Variants in EDC3 observed in about 807,000 individuals in gnomAD.
EDC3 encodes the protein enhancer of mRNA-decapping protein 3.
A neutral mutation model predicts 41.8 loss-of-function variants in EDC3; 20 were observed. That is an observed-to-expected ratio of 0.48 (90% CI 0.34 to 0.70). EDC3 has a LOEUF of 0.70. Ranked by LOEUF, EDC3 falls within the 30% of genes least tolerant of loss-of-function variation. The pLI is 0.01. For synonymous variants in EDC3, 206 were observed against 243.2 expected (o/e 0.85, Z 1.42); for missense variants, 444 against 636.8 (o/e 0.70, Z 3.26).
intron 4 of EDC3, among the ~76,000 whole-genome samples, chr15:74,646,922 A>G (rs1362899566): frequency 1.3e-5 from 2 of 152,200 alleles, no homozygotes; most frequent in Non-Finnish European, 2.9e-5. Context: ...CTGAGGATAA[A>G]GAAAAATCTG....
rs1037182248 is a variant in EDC3, at chr15:74,657,158, G to C, written c.485-1090C>G. ...CCTCACTGGCAGAGGGCAGCTGCAG[G>C]CCCACTGAGCTGTTAACACTTAAGC... On this transcript the variant is annotated intron_variant, in intron 3 of 6. Coordinates refer to ENST00000315127, the MANE Select transcript of EDC3 (RefSeq NM_025083.5). Among the ~76,000 whole-genome samples the C allele has an allele frequency of 1.3e-5, 2 of 152,206 alleles. 1 individual carries two copies. The highest frequency in any genetic ancestry group is 2.9e-5 in the Non-Finnish European group (2 of 68,040).
chr15:74,640,599 T>A lies in EDC3; in HGVS notation c.841A>T (p.Ser281Cys). 6.2e-7 allele frequency: 1 copy of A among 1,614,202 alleles called. No homozygotes were observed. The highest frequency in any genetic ancestry group is 2.2e-5 in the East Asian group (1 of 44,882). The change falls in exon 5 of 7, where the codon AGT (serine) becomes TGT (cysteine). Residue 281 changes from serine to cysteine, a missense_variant. This residue lies in a region of EDC3 where 242 missense variants were observed against 363.8 expected (regional missense o/e 0.67). Coordinates refer to ENST00000315127, the MANE Select transcript of EDC3 (RefSeq NM_025083.5). ...FCTDSGLVVP[S>C]ISYELHKKLL... ...TTTTTATGCAGCTCATAGGAAATAC[T>A]TGGGACAACCAGGCCAGAGTCTGCA...
At chr15:74,647,877 G>A (rs1380793407) in intron 4 of EDC3, among the ~76,000 whole-genome samples, 1 of 152,190 alleles carries the variant, frequency 6.6e-6, no homozygotes, top group Non-Finnish European at 1.5e-5. Flanking sequence ...TCCAGTGCAG[G>A]TGTTCTGTCC....
Position 74,669,235 on chromosome 15 carries a change from C to T in EDC3, c.484+2220G>A, listed in dbSNP as rs766335796. ...GCACATGCCTGTAATCCCAGCTACT[C>T]GGGAGGCTGAGGCAGGAGAATCTTT... On this transcript the variant is annotated intron_variant, in intron 3 of 6. Coordinates refer to ENST00000315127, the MANE Select transcript of EDC3 (RefSeq NM_025083.5). Among the ~76,000 whole-genome samples, 6 of 151,330 alleles carry T rather than the reference C, an allele frequency of 4.0e-5. 1 individual carries two copies. Among genetic ancestry groups the T allele is most frequent in the Admixed American group, 2.0e-4 (3 of 15,138 alleles).
chr15:74,682,928 G>A (rs542603192), intron 1 of EDC3, among the ~76,000 whole-genome samples: 34 of 151,278 alleles, frequency 2.2e-4, no homozygotes, highest in South Asian at 1.5e-3. Flanking sequence ...AGGCTGAGGC[G>A]GGAGAATCGC....
rs569776022 is a variant in EDC3, at chr15:74,635,752, G to A, written c.975-126C>T. 1.1e-4 allele frequency: 99 copies of A among 898,926 alleles called. 1 individual carries two copies. The African/African-American group carries it at 1.5e-3, about 14-fold the overall frequency. The allele number at this position is 898,926 out of a possible 1,614,324, so 55.7% of individuals were successfully genotyped here. ...TTACCCACTGCTCACCAAGTCCCAG[G>A]CTCCAGAGGGGGACAAAATCCACTG... On this transcript the variant is annotated intron_variant, in intron 5 of 6. Coordinates refer to ENST00000315127, the MANE Select transcript of EDC3 (RefSeq NM_025083.5).
intron 1 of EDC3, among the ~76,000 whole-genome samples, chr15:74,683,774 C>A (rs931293651): frequency 6.6e-6 from 1 of 151,850 alleles, no homozygotes; most frequent in African/African-American, 2.4e-5. Flanking sequence ...GTGATGAAAT[C>A]ATGTATAATC....
rs1353371750 is a variant in EDC3, at chr15:74,671,353, T to G, written c.484+102A>C. Reference sequence around the variant, plus strand: ...TCTGTGACGCTCAGCCAGCATCCATTTTATTGGAATAACAAAGGATTTGTT... The same window carrying G: ...TCTGTGACGCTCAGCCAGCATCCATGTTATTGGAATAACAAAGGATTTGTT... On this transcript the variant is annotated intron_variant, in intron 3 of 6. Coordinates refer to ENST00000315127, the MANE Select transcript of EDC3 (RefSeq NM_025083.5). The surrounding 1 kb of genome is among the most constrained non-coding windows in gnomAD (Gnocchi z 4.6). 7.7e-7 allele frequency: 1 copy of G among 1,304,858 alleles called. No homozygotes were observed. The highest frequency in any genetic ancestry group is 1.1e-6 in the Non-Finnish European group (1 of 940,440). The allele number at this position is 1,304,858 out of a possible 1,614,324, so 80.8% of individuals were successfully genotyped here. A position where few individuals can be genotyped will look rare whatever the true frequency, so the allele number is the denominator to read the frequency against.
At chr15:74,640,707 C>T in intron 4 of EDC3, 88 bp from the exon 5 acceptor site, 1 of 1,538,112 alleles carries the variant, frequency 6.5e-7, no homozygotes, top group Non-Finnish European at 8.9e-7. Flanking sequence ...TCTGCAAATG[C>T]CAACATTTTA....
chr15:74,658,896 ACCACTGCACTCCAG>A (rs1487054230), intron 3 of EDC3, among the ~76,000 whole-genome samples: 2 of 151,940 alleles, frequency 1.3e-5, no homozygotes, highest in African/African-American at 4.8e-5. Flanking sequence ...GCTGAGATGC[ACCACTGCACTCCAG>A]CCTGGGTGAC....
chr15:74,632,410 A>T lies in EDC3; in HGVS notation c.*202T>A. 1.5e-6 allele frequency: 1 copy of T among 651,716 alleles called. No individual in the cohort carries two copies. The highest frequency in any genetic ancestry group is 2.6e-6 in the Non-Finnish European group (1 of 387,350). 40.4% of individuals were successfully genotyped at this position (651,716 alleles called of 1,614,324 possible). A position where few individuals can be genotyped will look rare whatever the true frequency, so the allele number is the denominator to read the frequency against. On this transcript the variant is annotated 3_prime_UTR_variant, in exon 7 of 7. Transcript: ENST00000315127. This position sits in a 1 kb window ranked among gnomAD's most constrained non-coding sequence, Gnocchi z 4.0. ...GGAGTTGCTGCACGCTCAGCCTGCC[A>T]CCCAGCCCGGAACCCAGTGGGAAAG...
At chr15:74,653,824 T>C (rs770924590) in intron 4 of EDC3, among the ~76,000 whole-genome samples, 24 of 152,190 alleles carry the variant, frequency 1.6e-4, no homozygotes, top group Non-Finnish European at 2.6e-4. Context: ...AATTTCTACC[T>C]CTGCTTTTGT....
At chr15:74,642,624 C>T (rs993734854) in intron 4 of EDC3, 4 of 152,228 alleles carry the variant, frequency 2.6e-5, no homozygotes, top group South Asian at 4.1e-4. Context: ...TGCATTTCTT[C>T]ACCTATTTAT....
intron 3 of EDC3, among the ~76,000 whole-genome samples, chr15:74,659,487 AATAT>A (rs10601683): frequency 0.79 from 111,798 of 142,108 alleles, 44,346 homozygotes; most frequent in Non-Finnish European, 0.83. Flanking sequence ...AAAAAATAGA[AATAT>A]ATATATATAT....
chr15:74,685,907 T>A (rs367960945), intron 1 of EDC3, among the ~76,000 whole-genome samples: 2 of 152,234 alleles, frequency 1.3e-5, no homozygotes, highest in African/African-American at 4.8e-5. Flanking sequence ...AAAGAGTATG[T>A]CCTGACTGAG....
chr15:74,665,652 G>A lies in EDC3; in HGVS notation c.484+5803C>T, dbSNP rs942303859. On this transcript the variant is annotated intron_variant, in intron 3 of 6. Coordinates refer to ENST00000315127, the MANE Select transcript of EDC3 (RefSeq NM_025083.5). ...TGATTCTTTAAACCCACTCCCACCC[G>A]AAAAGAGATTAAAATCTGCTTGTGC... 2.6e-5 allele frequency among the ~76,000 whole-genome samples: 4 copies of A among 152,040 alleles called. No homozygotes were observed. In the South Asian group the frequency reaches 6.2e-4, roughly 24 times the overall value.
At position 74,674,775 on chromosome 15, in the gene EDC3, G is replaced by T. The variant is rs371033802; in HGVS notation, c.164+186C>A. On this transcript the variant is annotated intron_variant, in intron 2 of 6. Transcript: ENST00000315127. ...CACACCTGAAATCCCAGCACTTCGG[G>T]AGGCCACAACGGGCAGATTACTTGA... The T allele has an allele frequency of 7.5e-5, 47 of 630,090 alleles. 1 individual carries two copies. The highest frequency in any genetic ancestry group is 6.1e-4 in the East Asian group (22 of 36,226). The allele number at this position is 630,090 out of a possible 1,614,324, so 39.0% of individuals were successfully genotyped here. A position where few individuals can be genotyped will look rare whatever the true frequency, so the allele number is the denominator to read the frequency against.
intron 1 of EDC3, among the ~76,000 whole-genome samples, chr15:74,691,891 A>T (rs1168055389): frequency 6.6e-6 from 1 of 151,912 alleles, no homozygotes; most frequent in African/African-American, 2.4e-5. Context: ...ATCTCGGCTC[A>T]CTGCAACCTC....
Position 74,655,794 on chromosome 15 carries a change from G to A in EDC3, c.759C>T (p.Ser253=), listed in dbSNP as rs561328785. The change falls in exon 4 of 7, where the codon TCC becomes TCT. Residue 253 remains serine, a synonymous_variant. Transcript: ENST00000315127. ...TGATCCGTCGATAGACAATGGGCTC[G>A]GACTCCAAGATGTTCTCATCATGGC... ...RYRHDENILE[S]EPIVYRRIIV... 6.2e-6 allele frequency: 10 copies of A among 1,614,066 alleles called. No individual in the cohort carries two copies. The East Asian group carries it at 1.1e-4, about 18-fold the overall frequency.
Sources: gnomAD v4.1 joint callset for allele counts (sites outside exome capture counted in the v4.1 genomes callset) on GRCh38, gnomAD v4.1.1 for gene constraint, gnomAD v4.1.1 regional missense constraint, Gnocchi (gnomAD v3.1) non-coding constraint, MANE v1.5 for transcripts, NCBI Gene and HGNC (gene_info 2026-07-23, HGNC 2026-07-21) for gene names.